NCS1: variants seen among roughly 807,000 people sequenced by gnomAD.
The protein encoded by NCS1 is neuronal calcium sensor 1, also known as frequenin homolog.
NCS1 carries 6 observed loss-of-function variants against 28.4 expected under a neutral mutation model. That is an observed-to-expected ratio of 0.21 (90% CI 0.12 to 0.42). The LOEUF (loss-of-function observed/expected upper bound fraction) is 0.42, where lower values mean the gene tolerates loss of function less well. Ranked by LOEUF, NCS1 falls within the 10% of genes least tolerant of loss-of-function variation. NCS1 has a pLI of 1.00. For missense variants in NCS1, 131 were observed against 241.4 expected (o/e 0.54, Z 3.03); for synonymous variants, 86 against 99.3 (o/e 0.87, Z 0.79).
intron 4 of NCS1, among the ~76,000 whole-genome samples, chr9:130,220,064 A>G (rs880001775): frequency 1.3e-5 from 2 of 152,136 alleles, no homozygotes; most frequent in African/African-American, 2.4e-5. Context: ...GGTTTCCTGG[A>G]GGCACCGGCA....
In NCS1 at chr9:130,200,867, G is replaced by T. The variant is rs1020467511; in HGVS notation, c.65-91G>T. ...GGGGACATGGCCGTGGGGAGGGGAG[G>T]GCTGGAGGGGAGGCCCCCCAGCGAA... On this transcript the variant is annotated intron_variant, in intron 1 of 7. Transcript: ENST00000372398. 1.9e-6 allele frequency: 3 copies of T among 1,551,648 alleles called. No homozygotes were observed. The African/African-American group carries it at 4.1e-5, about 21-fold the overall frequency.
intron 1 of NCS1, among the ~76,000 whole-genome samples, chr9:130,190,441 G>C (rs747687722): frequency 5.3e-5 from 8 of 152,226 alleles, no homozygotes; most frequent in Middle Eastern, 3.4e-3. Context: ...ATCGCCCTTA[G>C]TTTTCTGGTG....
chr9:130,202,318 G>A (rs895037516), intron 2 of NCS1, among the ~76,000 whole-genome samples: 1 of 151,946 alleles, frequency 6.6e-6, no homozygotes, highest in Non-Finnish European at 1.5e-5. Flanking sequence ...TGCTCCCTCT[G>A]CCTGCTGGGC....
chr9:130,185,611 T>TCCTGCC (rs1832727684), intron 1 of NCS1, among the ~76,000 whole-genome samples: 1 of 152,186 alleles, frequency 6.6e-6, no homozygotes, highest in African/African-American at 2.4e-5. Context: ...CCGGCCCTGC[T>TCCTGCC]CCTGCCTCTT....
chr9:130,202,575 C>A (rs1219466619), intron 2 of NCS1, among the ~76,000 whole-genome samples: 1 of 104,218 alleles, frequency 9.6e-6, no homozygotes, highest in African/African-American at 3.6e-5. Flanking sequence ...TGCTTCAAAT[C>A]CATGTTTTTT....
intron 2 of NCS1, among the ~76,000 whole-genome samples, chr9:130,208,479 G>A (rs1220457778): frequency 2.6e-5 from 4 of 151,972 alleles, no homozygotes; most frequent in East Asian, 1.9e-4. Context: ...GGGGTTTCAC[G>A]TTGGCCAGGC....
At chr9:130,184,948 A>G (rs1271946207) in intron 1 of NCS1, among the ~76,000 whole-genome samples, 1 of 151,860 alleles carries the variant, frequency 6.6e-6, no homozygotes, top group Admixed American at 6.6e-5. Context: ...TGGGCGACAG[A>G]ATAAGACTCC....
chr9:130,172,833 C>T, intron 1 of NCS1, 106 bp downstream of exon 1: 1 of 514,274 alleles, frequency 1.9e-6, no homozygotes, highest in Non-Finnish European at 2.9e-6. Flanking sequence ...GCTGCCGCCT[C>T]CGCTCCGTCC....
chr9:130,172,649 C>T lies in NCS1; in HGVS notation c.-15C>T. 4 of 1,443,894 alleles carry T rather than the reference C, an allele frequency of 2.8e-6. No homozygotes were observed. The highest frequency in any genetic ancestry group is 3.3e-5 in the East Asian group (1 of 30,734). The allele number at this position is 1,443,894 out of a possible 1,614,324, so 89.4% of individuals were successfully genotyped here. ...CGGGTCCGGCCCGGGGGGGCGGGGGCCGCGGCCGCCGAGGATGGGGAAATC... is the reference window on the plus strand; with the variant it reads ...CGGGTCCGGCCCGGGGGGGCGGGGGTCGCGGCCGCCGAGGATGGGGAAATC... On this transcript the variant is annotated 5_prime_UTR_variant, in exon 1 of 8. Transcript: ENST00000372398.
intron 2 of NCS1, among the ~76,000 whole-genome samples, chr9:130,210,030 G>A (rs534772859): frequency 2.6e-5 from 4 of 152,218 alleles, no homozygotes; most frequent in Admixed American, 2.6e-4. Context: ...AACATCTCGG[G>A]CTGAGTTACT....
intron 2 of NCS1, among the ~76,000 whole-genome samples, chr9:130,216,772 C>T (rs1833195953): frequency 6.6e-6 from 1 of 151,878 alleles, no homozygotes; most frequent in East Asian, 1.9e-4. Context: ...TAGGGGCATC[C>T]TGGGAGAGTA....
chr9:130,229,952 T>G (rs1554911884), intron 7 of NCS1, among the ~76,000 whole-genome samples: 1 of 152,256 alleles, frequency 6.6e-6, no homozygotes, highest in Non-Finnish European at 1.5e-5. Flanking sequence ...AGCCATCATT[T>G]TTCATAGCTG....
chr9:130,173,981 C>T (rs1554904368), intron 1 of NCS1, among the ~76,000 whole-genome samples: 1 of 152,204 alleles, frequency 6.6e-6, no homozygotes, highest in African/African-American at 2.4e-5. Context: ...GGCCCTTCTC[C>T]TGTGGAATCC....
At chr9:130,230,540 C>G (rs1268021581) in intron 7 of NCS1, among the ~76,000 whole-genome samples, 2 of 151,836 alleles carry the variant, frequency 1.3e-5, no homozygotes, top group Admixed American at 6.6e-5. Flanking sequence ...GAGACTCTGT[C>G]TCTACAAAAA....
chr9:130,216,554 A>G (rs1833191937), intron 2 of NCS1, among the ~76,000 whole-genome samples: 2 of 152,116 alleles, frequency 1.3e-5, no homozygotes, highest in Admixed American at 6.6e-5. Context: ...TGTCTCTACT[A>G]AAAATACAAA....
In NCS1 at chr9:130,195,667, G is replaced by A. The variant is rs192380624; in HGVS notation, c.65-5291G>A. Among the ~76,000 whole-genome samples, 144 of 152,306 alleles carry A rather than the reference G, an allele frequency of 9.5e-4. 1 individual carries two copies. Among genetic ancestry groups the A allele is most frequent in the African/African-American group, 2.9e-3 (120 of 41,576 alleles). On this transcript the variant is annotated intron_variant, in intron 1 of 7. Coordinates refer to ENST00000372398, the MANE Select transcript of NCS1 (RefSeq NM_014286.4). ...TCGAACTCCTGGCCTCGAGTAATCC[G>A]CCCACCTTGCCCTCCCAAAGTGTTG...
At chr9:130,194,533 G>A (rs1446200510) in intron 1 of NCS1, among the ~76,000 whole-genome samples, 1 of 152,144 alleles carries the variant, frequency 6.6e-6, no homozygotes. Flanking sequence ...CTCTCCCAGG[G>A]CCCTGTGTCG....
intron 1 of NCS1, 106 bp from the exon 2 acceptor site, chr9:130,200,852 C>A: frequency 1.3e-6 from 2 of 1,523,710 alleles, no homozygotes; most frequent in Non-Finnish European, 1.8e-6. Context: ...GGGGACATGG[C>A]CGTGGGGAGG....
chr9:130,190,201 A>G (rs1414119104), intron 1 of NCS1, among the ~76,000 whole-genome samples: 2 of 152,144 alleles, frequency 1.3e-5, no homozygotes, highest in Non-Finnish European at 1.5e-5. Flanking sequence ...ACACACATAC[A>G]TTGAGCACCT....
Sources: allele counts gnomAD v4.1 joint callset (sites outside exome capture counted in the v4.1 genomes callset), GRCh38; gene constraint gnomAD v4.1.1; transcripts MANE v1.5; gene names NCBI Gene and HGNC (gene_info 2026-07-23, HGNC 2026-07-21).